KANK1: variants seen among roughly 807,000 people sequenced by gnomAD.
The protein encoded by KANK1 is KN motif and ankyrin repeat domain-containing protein 1.
KANK1 carries 109 observed loss-of-function variants against 106.2 expected under a neutral mutation model. The ratio of observed to expected loss-of-function variants is 1.03; its 90% CI spans 0.88 to 1.20. The LOEUF (loss-of-function observed/expected upper bound fraction) is 1.20, where lower values mean the gene tolerates loss of function less well. KANK1 is among the 50% of genes most tolerant of loss of function. The probability of loss-of-function intolerance (pLI) is 0.00; values close to 1 mark genes in which losing one functional copy is unlikely to be tolerated. For synonymous variants in KANK1, 873 were observed against 652.2 expected (o/e 1.34, Z -5.16); for missense variants, 2,399 against 1,710.7 (o/e 1.40, Z -7.10).
intron 1 of KANK1, among the ~76,000 whole-genome samples, chr9:658,796 C>T (rs551004661): frequency 2.6e-5 from 4 of 152,210 alleles, no homozygotes; most frequent in East Asian, 3.9e-4. Flanking sequence ...CGCATAGGCA[C>T]ATCTGTGTGG....
Position 662,953 on chromosome 9 carries a change from C to G in KANK1, c.-83-13937C>G, listed in dbSNP as rs962038764. 1.3e-5 allele frequency among the ~76,000 whole-genome samples: 2 copies of G among 152,200 alleles called. 1 individual carries two copies. Among genetic ancestry groups the G allele is most frequent in the African/African-American group, 4.8e-5 (2 of 41,434 alleles). ...CTAGGATTACAGGCGTGAGCCACCA[C>G]GCCAGGCCTAAACCCTTATTTAACT... On this transcript the variant is annotated intron_variant, in intron 1 of 11. Transcript: ENST00000382297.
chr9:484,993 G>A (rs903712183), intron 3 of KANK1, among the ~76,000 whole-genome samples: 1 of 152,084 alleles, frequency 6.6e-6, no homozygotes, highest in Middle Eastern at 3.4e-3. Flanking sequence ...GGCCTATCCA[G>A]GCCCAGATTT....
chr9:565,458 G>C (rs1045923554), intron 1 of KANK1, among the ~76,000 whole-genome samples: 1 of 152,230 alleles, frequency 6.6e-6, no homozygotes, highest in African/African-American at 2.4e-5. Flanking sequence ...TAAAGAAAGA[G>C]TTTAATTGAC....
At chr9:523,298 C>T (rs560884253) in intron 1 of KANK1, among the ~76,000 whole-genome samples, 18 of 151,732 alleles carry the variant, frequency 1.2e-4, no homozygotes, top group Admixed American at 3.9e-4. Flanking sequence ...TCTTCACTCC[C>T]CTATCTCATA....
At position 740,926 on chromosome 9, in the gene KANK1, G is replaced by C. The variant is rs767179811; in HGVS notation, c.3688G>C (p.Ala1230Pro). Residue 1230 changes from alanine (A) to proline (P), a missense_variant, in exon 9 of 12, where the codon GCT (alanine) becomes CCT (proline). By Grantham distance (27) the Ala-to-Pro change is conservative (BLOSUM62 -1). Coordinates refer to ENST00000382297, the MANE Select transcript of KANK1 (RefSeq NM_015158.5). The stretch of plus-strand genomic sequence containing the variant: ...CGGCTGTGGGGATGTGAATGCCAAA[G>C]CTAGTCAGGTTAGTGCGCCTGGTTC... ...LFGCGDVNAK[A>P]SQAGQTALML... is the part of the protein sequence containing the mutation. The C allele has an allele frequency of 6.2e-7, 1 of 1,614,192 alleles. No individual in the cohort carries two copies. Among genetic ancestry groups the C allele is most frequent in the Non-Finnish European group, 8.5e-7 (1 of 1,180,032 alleles).
chr9:687,265 T>A (rs7044480), intron 2 of KANK1, among the ~76,000 whole-genome samples: 2 of 151,912 alleles, frequency 1.3e-5, no homozygotes, highest in African/African-American at 2.4e-5. Context: ...TGCCTTTTTC[T>A]CCCTGCTTTG....
intron 1 of KANK1, among the ~76,000 whole-genome samples, chr9:617,562 T>C (rs2136295956): frequency 6.6e-6 from 1 of 152,316 alleles, no homozygotes; most frequent in East Asian, 1.9e-4. Context: ...CAGTATCACC[T>C]TTACAGCTAC....
intron 1 of KANK1, among the ~76,000 whole-genome samples, chr9:532,430 A>C (rs188852930): frequency 2.3e-5 from 3 of 132,530 alleles, no homozygotes; most frequent in Non-Finnish European, 4.7e-5. Flanking sequence ...ATTGATGTTA[A>C]GTATGTTTAC....
At chr9:499,400 GC>G in intron 3 of KANK1, among the ~76,000 whole-genome samples, 1 of 152,264 alleles carries the variant, frequency 6.6e-6, no homozygotes, top group Non-Finnish European at 1.5e-5. Context: ...ATATTGTCCA[GC>G]AATAAAAAGG....
chr9:662,381 C>A (rs1336024040), intron 1 of KANK1, among the ~76,000 whole-genome samples: 1 of 152,084 alleles, frequency 6.6e-6, no homozygotes, highest in East Asian at 1.9e-4. Context: ...CAGTCCTAAG[C>A]AAAAAGAACA....
At chr9:590,494 T>C (rs1173869558) in intron 1 of KANK1, among the ~76,000 whole-genome samples, 1 of 152,190 alleles carries the variant, frequency 6.6e-6, no homozygotes, top group Non-Finnish European at 1.5e-5. Flanking sequence ...ATATTTTTGC[T>C]TAGAGACTTC....
chr9:658,884 TTCAGG>T (rs1296311245), intron 1 of KANK1, among the ~76,000 whole-genome samples: 1 of 152,156 alleles, frequency 6.6e-6, no homozygotes, highest in Non-Finnish European at 1.5e-5. Flanking sequence ...CTACTTATCC[TTCAGG>T]TCTTAGTTTC....
chr9:707,213 C>T, intron 2 of KANK1: 1 of 986,174 alleles, frequency 1.0e-6, no homozygotes, highest in Non-Finnish European at 1.2e-6. Flanking sequence ...TGCGGGGCAG[C>T]GCGGGCTGGC....
At chr9:710,676 G>C (rs1207888472) in intron 2 of KANK1, 128 bp from the exon 3 acceptor site, 3 of 673,542 alleles carry the variant, frequency 4.5e-6, no homozygotes, top group Non-Finnish European at 6.9e-6. Context: ...TGTAGATCCA[G>C]GTTCAAAACA....
chr9:505,924 G>C (rs1304303400), intron 1 of KANK1, among the ~76,000 whole-genome samples: 1 of 152,114 alleles, frequency 6.6e-6, no homozygotes, highest in Admixed American at 6.6e-5. Context: ...TTTTTAGGTG[G>C]CGTTAACAGC....
intron 1 of KANK1, among the ~76,000 whole-genome samples, chr9:599,981 A>G (rs1166398392): frequency 6.6e-6 from 1 of 151,850 alleles, no homozygotes; most frequent in Non-Finnish European, 1.5e-5. Context: ...ATGTCCATGT[A>G]AGTCTTTAAG....
intron 3 of KANK1, among the ~76,000 whole-genome samples, chr9:724,657 C>G (rs936970992): frequency 6.6e-6 from 1 of 152,114 alleles, no homozygotes; most frequent in African/African-American, 2.4e-5. Flanking sequence ...CAAAAAACAG[C>G]TGGGCGTGGT....
At chr9:593,734 G>C (rs867211227) in intron 1 of KANK1, among the ~76,000 whole-genome samples, 1 of 151,808 alleles carries the variant, frequency 6.6e-6, no homozygotes, top group Non-Finnish European at 1.5e-5. Context: ...TCCCACGACA[G>C]AGGAAGAAAT....
intron 1 of KANK1, among the ~76,000 whole-genome samples, chr9:657,660 G>A (rs1054803378): frequency 6.6e-6 from 1 of 151,958 alleles, no homozygotes; most frequent in African/African-American, 2.4e-5. Context: ...TCAGTCTCTG[G>A]TTACAGCTTT....
Sources: allele counts gnomAD v4.1 joint callset (sites outside exome capture counted in the v4.1 genomes callset), GRCh38; gene constraint gnomAD v4.1.1; transcripts MANE v1.5; gene names NCBI Gene and HGNC (gene_info 2026-07-23, HGNC 2026-07-21).